Variants in CACNA1E observed in about 807,000 individuals in gnomAD.
CACNA1E encodes the protein voltage-dependent R-type calcium channel subunit alpha-1E.
A neutral mutation model predicts 259.2 loss-of-function variants in CACNA1E; 40 were observed. That is an observed-to-expected ratio of 0.15 (90% CI 0.12 to 0.20). CACNA1E has a LOEUF of 0.20. CACNA1E is among the 10% of genes least tolerant of loss of function. The pLI, the probability that CACNA1E is intolerant of heterozygous loss-of-function variation, is 1.00. For synonymous variants in CACNA1E, 1,104 were observed against 1,138.5 expected (o/e 0.97, Z 0.61); for missense variants, 1,874 against 3,040.1 (o/e 0.62, Z 9.02).
intron 1 of CACNA1E, among the ~76,000 whole-genome samples, chr1:181,392,103 C>A (rs974887055): frequency 7.2e-5 from 11 of 152,064 alleles, no homozygotes; most frequent in African/African-American, 2.4e-4. Flanking sequence ...TGTGGTAGAT[C>A]AGCACAGAAA....
chr1:181,454,822 G>A (rs576752361), intron 2 of CACNA1E, among the ~76,000 whole-genome samples: 9 of 152,126 alleles, frequency 5.9e-5, no homozygotes, highest in East Asian at 1.9e-4. Context: ...TAGGCTTTGC[G>A]TACTACAGGG....
At chr1:181,521,305 C>T (rs1666979615) in intron 3 of CACNA1E, among the ~76,000 whole-genome samples, 1 of 152,218 alleles carries the variant, frequency 6.6e-6, no homozygotes, top group South Asian at 2.1e-4. Context: ...TTGGAGAGTC[C>T]TTACCTAGTC....
chr1:181,678,176 C>G (rs574194343), intron 7 of CACNA1E, among the ~76,000 whole-genome samples: 1 of 152,272 alleles, frequency 6.6e-6, no homozygotes, highest in South Asian at 2.1e-4. Flanking sequence ...CTAGTGGTGC[C>G]CCTCTGCCAG....
At chr1:181,785,513 G>A in intron 42 of CACNA1E, 95 bp downstream of exon 42, 2 of 968,204 alleles carry the variant, frequency 2.1e-6, no homozygotes, top group Non-Finnish European at 3.3e-6. Flanking sequence ...GCCCGGCAAG[G>A]ACTTAGAAGC....
At chr1:181,592,141 C>G (rs1390591845) in intron 6 of CACNA1E, among the ~76,000 whole-genome samples, 2 of 152,208 alleles carry the variant, frequency 1.3e-5, no homozygotes, top group Non-Finnish European at 2.9e-5. Context: ...CTTCCCTGAG[C>G]CTTCTCCCCC....
chr1:181,365,008 T>C (rs540849742), intron 1 of CACNA1E, among the ~76,000 whole-genome samples: 59 of 152,226 alleles, frequency 3.9e-4, no homozygotes, highest in African/African-American at 1.3e-3. Context: ...CCCTGTCCCA[T>C]TGAGGGGCCT....
At position 181,705,007 on chromosome 1, in the gene CACNA1E, TAATCCCCA is replaced by T. The variant is rs540962267; in HGVS notation, c.1056-5945_1056-5938del. ...GCTAGGCTTTCATCAACCTCACTTC[TAATCCCCA>T]AGAGTTAGCAACAGCATAATCAAGT... On this transcript the variant is annotated intron_variant, in intron 7 of 47. Transcript: ENST00000367573. Among the ~76,000 whole-genome samples the T allele has an allele frequency of 3.5e-3, 534 of 152,268 alleles. 3 individuals carry two copies. The highest frequency in any genetic ancestry group is 0.012 in the African/African-American group (516 of 41,534).
intron 1 of CACNA1E, among the ~76,000 whole-genome samples, chr1:181,332,029 C>T (rs1186960073): frequency 6.6e-6 from 1 of 152,170 alleles, no homozygotes; most frequent in Non-Finnish European, 1.5e-5. Context: ...GAATACTATG[C>T]AGCCATAAAA....
intron 1 of CACNA1E, among the ~76,000 whole-genome samples, chr1:181,506,356 G>GGC (rs1665709334): frequency 6.6e-6 from 1 of 152,208 alleles, no homozygotes; most frequent in Admixed American, 6.5e-5. Context: ...AGAAATGGGA[G>GGC]TGGTGCCTCG....
intron 7 of CACNA1E, among the ~76,000 whole-genome samples, chr1:181,677,384 C>A (rs1347979283): frequency 1.3e-5 from 2 of 152,128 alleles, no homozygotes; most frequent in African/African-American, 2.4e-5. Flanking sequence ...ATTAGAAAGT[C>A]TTTTCCCCCT....
chr1:181,687,489 G>A (rs58644983), intron 7 of CACNA1E, among the ~76,000 whole-genome samples: 17,893 of 152,116 alleles, frequency 0.12, 1,088 homozygotes, highest in Middle Eastern at 0.16. Context: ...AAGAAGGCAT[G>A]CCTAAGTTTC....
At chr1:181,775,682 A>G (rs1052611384) in intron 37 of CACNA1E, among the ~76,000 whole-genome samples, 1 of 152,218 alleles carries the variant, frequency 6.6e-6, no homozygotes, top group East Asian at 1.9e-4. Context: ...CAAAAGATGA[A>G]TGATGTTTCA....
At chr1:181,636,979 T>C (rs1657272329) in intron 6 of CACNA1E, among the ~76,000 whole-genome samples, 1 of 152,184 alleles carries the variant, frequency 6.6e-6, no homozygotes, top group Non-Finnish European at 1.5e-5. Flanking sequence ...CCCTCTTCAA[T>C]ATGCACCCCC....
intron 2 of CACNA1E, among the ~76,000 whole-genome samples, chr1:181,458,983 C>T (rs981018377): frequency 1.3e-5 from 2 of 152,212 alleles, no homozygotes; most frequent in Non-Finnish European, 2.9e-5. Context: ...ACAGTCTCTG[C>T]TCTCAAGGAG....
chr1:181,355,310 G>A (rs915970374), intron 1 of CACNA1E, among the ~76,000 whole-genome samples: 6 of 152,146 alleles, frequency 3.9e-5, no homozygotes, highest in African/African-American at 7.2e-5. Flanking sequence ...AGTACAGGCC[G>A]GGCATGGTGG....
At chr1:181,348,946 G>A (rs1252848196) in intron 1 of CACNA1E, among the ~76,000 whole-genome samples, 1 of 152,160 alleles carries the variant, frequency 6.6e-6, no homozygotes, top group Non-Finnish European at 1.5e-5. Context: ...GGCAGGACTG[G>A]AACCCAGGAC....
chr1:181,430,018 G>A (rs1194283629), intron 2 of CACNA1E, among the ~76,000 whole-genome samples: 5 of 152,170 alleles, frequency 3.3e-5, no homozygotes, highest in Admixed American at 6.5e-5. Flanking sequence ...TCCCTTTTGG[G>A]ACACAGCAGA....
chr1:181,672,128 G>A (rs915339195), intron 7 of CACNA1E, among the ~76,000 whole-genome samples: 2 of 152,164 alleles, frequency 1.3e-5, no homozygotes, highest in Non-Finnish European at 2.9e-5. Flanking sequence ...GCAAACTAAC[G>A]CAGGAAGAGA....
chr1:181,390,913 A>T (rs187512767), intron 1 of CACNA1E, among the ~76,000 whole-genome samples: 4 of 152,312 alleles, frequency 2.6e-5, no homozygotes, highest in Non-Finnish European at 4.4e-5. Flanking sequence ...TTCATGAAGG[A>T]GGAGATGATT....
Sources: allele counts gnomAD v4.1 joint callset (sites outside exome capture counted in the v4.1 genomes callset), GRCh38; gene constraint gnomAD v4.1.1; transcripts MANE v1.5; gene names NCBI Gene and HGNC (gene_info 2026-07-23, HGNC 2026-07-21).